AKAP9: variants seen among roughly 807,000 people sequenced by gnomAD.
AKAP9 encodes A-kinase anchoring protein 9.
Under a neutral mutation model 488.5 loss-of-function variants are expected in AKAP9, and 311 were observed. The ratio of observed to expected loss-of-function variants is 0.64; its 90% CI spans 0.58 to 0.70. The LOEUF (loss-of-function observed/expected upper bound fraction) is 0.70. AKAP9 is among the 30% of genes least tolerant of loss of function. The pLI is 0.00. For synonymous variants in AKAP9, 1,462 were observed against 1,483.5 expected, an observed-to-expected ratio of 0.99 and a Z score of 0.33; for missense variants, 4,215 against 4,374.5, an observed-to-expected ratio of 0.96 and a Z score of 1.03.
Position 92,089,754 on chromosome 7 carries a change from A to G in AKAP9, c.9358+225A>G, listed in dbSNP as rs540852797. 14 of 474,752 alleles carry G rather than the reference A, an allele frequency of 2.9e-5. No homozygotes were observed. The South Asian group carries it at 3.5e-4, about 12-fold the overall frequency. The allele number at this position is 474,752 out of a possible 1,614,324, so 29.4% of individuals were successfully genotyped here. Reference sequence around the variant, plus strand: ...TTTAAAATAAACTGCCATTCCCCTGATAAGGTTAAGCCCATTGGATTCATT... The same window carrying G: ...TTTAAAATAAACTGCCATTCCCCTGGTAAGGTTAAGCCCATTGGATTCATT... On this transcript the variant is annotated intron_variant, in intron 38 of 49. Coordinates refer to ENST00000356239, the MANE Select transcript of AKAP9 (RefSeq NM_005751.5).
intron 3 of AKAP9, among the ~76,000 whole-genome samples, chr7:91,991,329 T>C (rs1327471698): frequency 1.3e-5 from 2 of 152,094 alleles, no homozygotes; most frequent in East Asian, 3.9e-4. Context: ...AGAGACATGG[T>C]TCTCAGTATG....
intron 7 of AKAP9, among the ~76,000 whole-genome samples, chr7:91,996,459 T>C (rs186013582): frequency 6.6e-6 from 1 of 152,316 alleles, no homozygotes. Flanking sequence ...ATTCAGATCC[T>C]GTCAGTTGCC....
chr7:91,943,553 G>A (rs1225627849), intron 1 of AKAP9, among the ~76,000 whole-genome samples: 1 of 152,190 alleles, frequency 6.6e-6, no homozygotes, highest in Non-Finnish European at 1.5e-5. Context: ...AGTACAAAGA[G>A]GGATGAGCTG....
At chr7:91,998,399 T>G (rs1026526236) in intron 7 of AKAP9, among the ~76,000 whole-genome samples, 2 of 140,814 alleles carry the variant, frequency 1.4e-5, no homozygotes, top group African/African-American at 5.2e-5. Flanking sequence ...CAAAAGATAG[T>G]GTATTCAACC....
rs1038328706 is a variant in AKAP9 at position 92,016,683 on chromosome 7, A to G, written c.3752-334A>G. Among the ~76,000 whole-genome samples the G allele has an allele frequency of 2.6e-5, 4 of 152,216 alleles. No individual in the cohort carries two copies. In the East Asian group the frequency reaches 5.8e-4, roughly 22 times the overall value. ...GTATCTTTCTTAATATAGATCTGCT[A>G]TAAGTTTGTTTTAACAAATAGTAAC... On this transcript the variant is annotated intron_variant, in intron 11 of 49. Transcript: ENST00000356239.
chr7:91,978,540 T>C (rs1795990889), intron 2 of AKAP9, among the ~76,000 whole-genome samples: 1 of 152,122 alleles, frequency 6.6e-6, no homozygotes, highest in East Asian at 1.9e-4. Flanking sequence ...TTCTACTACT[T>C]CTTTTAGGGA....
chr7:92,037,706 A>G (rs1457725593), intron 16 of AKAP9, among the ~76,000 whole-genome samples: 1 of 152,180 alleles, frequency 6.6e-6, no homozygotes, highest in Non-Finnish European at 1.5e-5. Flanking sequence ...GTCTACTCAT[A>G]TTTACCAGTC....
At chr7:92,049,396 G>A (rs1007532974) in intron 21 of AKAP9, among the ~76,000 whole-genome samples, 13 of 152,180 alleles carry the variant, frequency 8.5e-5, no homozygotes, top group Non-Finnish European at 1.3e-4. Flanking sequence ...TGGATCACAC[G>A]GTCAGGAGAT....
intron 12 of AKAP9, among the ~76,000 whole-genome samples, chr7:92,021,597 C>T (rs1802323029): frequency 6.6e-6 from 1 of 152,020 alleles, no homozygotes; most frequent in Admixed American, 6.6e-5. Context: ...TGCCACCACA[C>T]CTGGCTAATT....
intron 8 of AKAP9, among the ~76,000 whole-genome samples, chr7:92,007,302 T>G (rs1800025247): frequency 1.1e-5 from 1 of 95,118 alleles, no homozygotes; most frequent in Admixed American, 1.0e-4. Context: ...TTTTTTTTTT[T>G]TTTTTTTTGA....
intron 1 of AKAP9, among the ~76,000 whole-genome samples, chr7:91,951,685 A>G (rs2130470905): frequency 6.6e-6 from 1 of 152,196 alleles, no homozygotes; most frequent in South Asian, 2.1e-4. Flanking sequence ...TTTAGTTCAT[A>G]CCTATTAATA....
chr7:92,081,473 T>TTTTA (rs1160576318), intron 31 of AKAP9, among the ~76,000 whole-genome samples: 15 of 120,408 alleles, frequency 1.2e-4, no homozygotes, highest in African/African-American at 4.8e-4. Flanking sequence ...CCCGGCTAAT[T>TTTTA]TATATATATA....
chr7:92,089,529 G>C lies in AKAP9; in HGVS notation c.9358G>C (p.Glu3120Gln). Residue 3120 changes from glutamate (E) to glutamine (Q), a missense_variant and splice_region_variant, in exon 38 of 50, where the codon GAA becomes CAA. Glu to Gln is a conservative substitution (Grantham distance 29, BLOSUM62 2). This residue lies in a region of AKAP9 where 1,476 missense variants were observed against 1,477.4 expected (regional missense o/e 1.00). Transcript: ENST00000356239. ...REQESEKPSQELLEYNIQQKQ... is the reference protein window; with the variant it reads ...REQESEKPSQQLLEYNIQQKQ... ...ACAAGAGAGTGAGAAACCAAGCCAA[G>C]GTATGTTGTATGACAAGCTCATATG... 1 of 1,612,898 alleles carries C rather than the reference G, an allele frequency of 6.2e-7. No individual in the cohort carries two copies.
intron 1 of AKAP9, among the ~76,000 whole-genome samples, chr7:91,962,609 C>T (rs1459374961): frequency 3.3e-5 from 5 of 152,054 alleles, no homozygotes; most frequent in East Asian, 3.8e-4. Context: ...AAAGAAAGCC[C>T]TAACCCTCAG....
intron 44 of AKAP9, 133 bp from the exon 45 acceptor site, chr7:92,100,723 T>G: frequency 1.0e-6 from 1 of 963,188 alleles, no homozygotes; most frequent in Non-Finnish European, 1.7e-6. Flanking sequence ...GTAATGTCAA[T>G]TGAGATTGGC....
intron 28 of AKAP9, among the ~76,000 whole-genome samples, chr7:92,075,055 C>G (rs528442893): frequency 6.6e-6 from 1 of 151,356 alleles, no homozygotes; most frequent in African/African-American, 2.4e-5. Flanking sequence ...CATTTCCTAT[C>G]TGATTACTGT....
intron 12 of AKAP9, among the ~76,000 whole-genome samples, chr7:92,017,885 A>C (rs1801745635): frequency 6.6e-6 from 1 of 151,764 alleles, no homozygotes; most frequent in Non-Finnish European, 1.5e-5. Flanking sequence ...CTATAAACCT[A>C]CTCCAGTAGA....
intron 37 of AKAP9, among the ~76,000 whole-genome samples, 161 bp downstream of exon 37, chr7:92,086,577 G>A (rs1042189628): frequency 6.6e-6 from 1 of 152,136 alleles, no homozygotes; most frequent in African/African-American, 2.4e-5. Context: ...ATGTTAGAAG[G>A]TAAGAAAGAC....
At chr7:92,031,700 A>C (rs1804268634) in intron 16 of AKAP9, 96 bp downstream of exon 16, 2 of 946,042 alleles carry the variant, frequency 2.1e-6, no homozygotes, top group Admixed American at 3.8e-5. Context: ...GTACTTTATA[A>C]GTTTCATATA....
Sources: allele counts gnomAD v4.1 joint callset (sites outside exome capture counted in the v4.1 genomes callset), GRCh38; gene constraint gnomAD v4.1.1; regional missense constraint gnomAD v4.1.1; transcripts MANE v1.5; gene names NCBI Gene and HGNC (gene_info 2026-07-23, HGNC 2026-07-21).